The following ASB18 variants were observed in gnomAD, a reference collection of about 807,000 sequenced individuals.
ASB18 encodes the protein ankyrin repeat and SOCS box protein 18.
ASB18 carries 33 observed loss-of-function variants against 33.4 expected under a neutral mutation model. The ratio of observed to expected loss-of-function variants is 0.99; its 90% CI spans 0.75 to 1.32. The LOEUF (loss-of-function observed/expected upper bound fraction) is 1.32, where lower values mean the gene tolerates loss of function less well. Ranked by LOEUF, ASB18 falls within the 40% of genes most tolerant of loss-of-function variation. ASB18 has a pLI of 0.00. For missense variants in ASB18, 694 were observed against 655.5 expected, an observed-to-expected ratio of 1.06 and a Z score of -0.64; for synonymous variants, 295 against 307.6, an observed-to-expected ratio of 0.96 and a Z score of 0.43.
At chr2:236,201,001 A>AT (rs2060398228) in intron 4 of ASB18, among the ~76,000 whole-genome samples, 1 of 152,074 alleles carries the variant, frequency 6.6e-6, no homozygotes, top group Non-Finnish European at 1.5e-5. Context: ...AGTTAATTTC[A>AT]TAACATTTTT....
chr2:236,210,461 G>A (rs56338351), intron 4 of ASB18: 26,240 of 152,128 alleles, frequency 0.17, 2,289 homozygotes, highest in South Asian at 0.25. Context: ...AAAACCGTGC[G>A]GGTCATCAGA....
intron 1 of ASB18, chr2:236,247,408 C>T (rs1228447947): frequency 6.6e-6 from 1 of 152,122 alleles, no homozygotes; most frequent in Non-Finnish European, 1.5e-5. Context: ...CCTAACAATA[C>T]CCCTGCCTGC....
In ASB18 at chr2:236,203,884, AAACCAACC is replaced by A. The variant is rs558164843; in HGVS notation, c.1102-7507_1102-7500del. 1.1e-3 allele frequency among the ~76,000 whole-genome samples: 136 copies of A among 120,824 alleles called. No homozygotes were observed. Among genetic ancestry groups the A allele is most frequent in the African/African-American group, 3.9e-3 (129 of 32,820 alleles). 79.3% of individuals were successfully genotyped at this position (120,824 alleles called of 152,430 possible). On this transcript the variant is annotated intron_variant, in intron 4 of 5. Transcript: ENST00000409749. This position sits in a 1 kb window ranked among gnomAD's most constrained non-coding sequence, Gnocchi z 6.0. ...CCCCTCTCAAAAACCAAACCAAACC[AAACCAACC>A]AACCAACCAACCAACCAACCAAACA...
rs147696546 is a variant in ASB18, at chr2:236,258,994, G to A, written c.205+5147C>T. On this transcript the variant is annotated intron_variant, in intron 1 of 5. Transcript: ENST00000409749. ...TTAGTAATCAGTTGTTTCTTAAGTC[G>A]TTTGATTACACCAGTTACCAAATTG... 3.7e-3 allele frequency among the ~76,000 whole-genome samples: 563 copies of A among 152,144 alleles called. 1 individual carries two copies. The highest frequency in any genetic ancestry group is 5.9e-3 in the Non-Finnish European group (403 of 68,006).
intron 4 of ASB18, among the ~76,000 whole-genome samples, chr2:236,212,584 A>G (rs1421781310): frequency 3.3e-5 from 5 of 152,104 alleles, no homozygotes; most frequent in African/African-American, 1.2e-4. Context: ...ATTGGCCCAG[A>G]TATTTTCCCC....
rs1395831366 is a variant in ASB18, at chr2:236,244,998, A to G, written c.206-3596T>C. On this transcript the variant is annotated intron_variant, in intron 1 of 5. Transcript: ENST00000409749. This position sits in a 1 kb window ranked among gnomAD's most constrained non-coding sequence, Gnocchi z 6.1. ...GTGCTGGGTGGGGAGGGATGAGGCC[A>G]CGTTTGGCAGTCTATGATGCAGGGG... Among the ~76,000 whole-genome samples, 1 of 152,108 alleles carries G rather than the reference A, an allele frequency of 6.6e-6. No homozygotes were observed. The highest frequency in any genetic ancestry group is 1.5e-5 in the Non-Finnish European group (1 of 68,012).
chr2:236,198,377 CT>C (rs540996331), intron 4 of ASB18, among the ~76,000 whole-genome samples: 18 of 148,242 alleles, frequency 1.2e-4, no homozygotes, highest in Admixed American at 4.7e-4. Flanking sequence ...ATCCTTTTTT[CT>C]TTTTTTTTTG....
Position 236,255,690 on chromosome 2 carries a change from T to G in ASB18, c.205+8451A>C, listed in dbSNP as rs763816124. Among the ~76,000 whole-genome samples the G allele has an allele frequency of 3.9e-5, 6 of 152,346 alleles. No homozygotes were observed. Among genetic ancestry groups the G allele is most frequent in the Non-Finnish European group, 5.9e-5 (4 of 68,030 alleles). ...AATTAAGATGACCTCATTCCTTTGC[T>G]GAATGGCTCCTCATGGCTTTTCCAA... On this transcript the variant is annotated intron_variant, in intron 1 of 5. Coordinates refer to ENST00000409749, the MANE Select transcript of ASB18 (RefSeq NM_212556.4). The surrounding 1 kb of genome is among the most constrained non-coding windows in gnomAD (Gnocchi z 4.4).
In ASB18 at chr2:236,248,704, G is replaced by A. The variant is rs2060655801; in HGVS notation, c.206-7302C>T. 6.6e-6 allele frequency: 1 copy of A among 152,174 alleles called. No homozygotes were observed. Among genetic ancestry groups the A allele is most frequent in the Non-Finnish European group, 1.5e-5 (1 of 68,046 alleles). 9.4% of individuals were successfully genotyped at this position (152,174 alleles called of 1,614,324 possible). On this transcript the variant is annotated intron_variant, in intron 1 of 5. Coordinates refer to ENST00000409749, the MANE Select transcript of ASB18 (RefSeq NM_212556.4). The surrounding 1 kb of genome is among the most constrained non-coding windows in gnomAD (Gnocchi z 4.9). ...ATGGAATCCGTGACCCTTGCAATGTGGTGTGGAATGCCTTTTATCCCTGGA... is the reference window on the plus strand; with the variant it reads ...ATGGAATCCGTGACCCTTGCAATGTAGTGTGGAATGCCTTTTATCCCTGGA...
intron 1 of ASB18, among the ~76,000 whole-genome samples, chr2:236,243,685 A>AT (rs5839630): frequency 5.8e-4 from 88 of 150,806 alleles, no homozygotes; most frequent in African/African-American, 1.5e-3. Context: ...GTAATGCCAC[A>AT]TTTTTTTTTT....
chr2:236,226,690 G>A lies in ASB18; in HGVS notation c.596+10999C>T, dbSNP rs1031806059. On this transcript the variant is annotated intron_variant, in intron 3 of 5. Coordinates refer to ENST00000409749, the MANE Select transcript of ASB18 (RefSeq NM_212556.4). This position sits in a 1 kb window ranked among gnomAD's most constrained non-coding sequence, Gnocchi z 4.8. ...GGCGTCTCTTCAGCAGTGTTGCAAT[G>A]ATTCACAGCATTTTGTGTTTATTTT... Among the ~76,000 whole-genome samples, 2 of 152,154 alleles carry A rather than the reference G, an allele frequency of 1.3e-5. No homozygotes were observed. The highest frequency in any genetic ancestry group is 2.9e-5 in the Non-Finnish European group (2 of 68,010).
In ASB18 at chr2:236,214,812, C is replaced by A. The variant is rs1380819243; in HGVS notation, c.651G>T (p.Thr217=). 3 of 1,212,422 alleles carry A rather than the reference C, an allele frequency of 2.5e-6. No homozygotes were observed. In the African/African-American group the frequency reaches 4.8e-5, roughly 19 times the overall value. 75.1% of individuals were successfully genotyped at this position (1,212,422 alleles called of 1,614,324 possible). A position where few individuals can be genotyped will look rare whatever the true frequency, so the allele number is the denominator to read the frequency against. ...CCACGTGCAGCGGCGTGTCCCGGCC[C>A]GTGCCGCCCACGCGCTGCACCGAGG... is the stretch of plus-strand genomic sequence containing the variant. ...HGASVQRVGG[T]GRDTPLHVAA... The change falls in exon 4 of 6, where the codon ACG becomes ACT. Residue 217 remains threonine (T), a synonymous_variant. Transcript: ENST00000409749. This position sits in a 1 kb window ranked among gnomAD's most constrained non-coding sequence, Gnocchi z 6.5.
Position 236,255,874 on chromosome 2 carries a change from C to T in ASB18, c.205+8267G>A, listed in dbSNP as rs1456178696. On this transcript the variant is annotated intron_variant, in intron 1 of 5. Transcript: ENST00000409749. This position sits in a 1 kb window ranked among gnomAD's most constrained non-coding sequence, Gnocchi z 4.4. ...CCATGCCTTGGGTGCACTACGTTTC[C>T]TGCTCGCCTCCCTTTATCTGGGCTT... Among the ~76,000 whole-genome samples the T allele has an allele frequency of 6.6e-6, 1 of 152,170 alleles. No individual in the cohort carries two copies. Among genetic ancestry groups the T allele is most frequent in the Non-Finnish European group, 1.5e-5 (1 of 68,016 alleles).
At position 236,241,701 on chromosome 2, in the gene ASB18, G is replaced by A. The variant is rs185132743; in HGVS notation, c.206-299C>T. 2.0e-5 allele frequency among the ~76,000 whole-genome samples: 3 copies of A among 152,286 alleles called. No individual in the cohort carries two copies. Among genetic ancestry groups the A allele is most frequent in the East Asian group, 3.9e-4 (2 of 5,178 alleles). On this transcript the variant is annotated intron_variant, in intron 1 of 5. Transcript: ENST00000409749. This position sits in a 1 kb window ranked among gnomAD's most constrained non-coding sequence, Gnocchi z 4.2. The stretch of plus-strand genomic sequence containing the variant: ...ACTTGATATGACCAGGGGCATGTGA[G>A]CACTGGGATGCCGCAGTACTCAGCC...
At chr2:236,232,084 T>G (rs974477924) in intron 3 of ASB18, among the ~76,000 whole-genome samples, 10 of 152,218 alleles carry the variant, frequency 6.6e-5, no homozygotes, top group Non-Finnish European at 1.5e-4. Flanking sequence ...ATGAAACATT[T>G]ATCAAGGTAT....
At chr2:236,254,983 C>T (rs992183178) in intron 1 of ASB18, among the ~76,000 whole-genome samples, 7 of 152,098 alleles carry the variant, frequency 4.6e-5, no homozygotes, top group Non-Finnish European at 8.8e-5. Flanking sequence ...CTCGCGACCC[C>T]ACTCTTTCTC....
chr2:236,258,832 G>T (rs1006199196), intron 1 of ASB18, among the ~76,000 whole-genome samples: 1 of 152,172 alleles, frequency 6.6e-6, no homozygotes, highest in African/African-American at 2.4e-5. Flanking sequence ...TCCTCTGGGT[G>T]CTTAAATACT....
At position 236,231,714 on chromosome 2, in the gene ASB18, TG is replaced by T. The variant is rs1208258305; in HGVS notation, c.596+5974del. 2.6e-5 allele frequency among the ~76,000 whole-genome samples: 4 copies of T among 152,222 alleles called. No individual in the cohort carries two copies. Among genetic ancestry groups the T allele is most frequent in the Non-Finnish European group, 4.4e-5 (3 of 68,044 alleles). On this transcript the variant is annotated intron_variant, in intron 3 of 5. Coordinates refer to ENST00000409749, the MANE Select transcript of ASB18 (RefSeq NM_212556.4). This position sits in a 1 kb window ranked among gnomAD's most constrained non-coding sequence, Gnocchi z 5.5. ...TGGCCTCCCAAAGTGCTGGGATTAC[TG>T]GTGTGATCCACTGCACCTGGCCTAG... is the stretch of plus-strand genomic sequence containing the variant.
In ASB18 at chr2:236,237,730, G is replaced by T; in HGVS notation, c.555C>A (p.Gly185=). 1 of 1,461,006 alleles carries T rather than the reference G, an allele frequency of 6.8e-7. No individual in the cohort carries two copies. Among genetic ancestry groups the T allele is most frequent in the Non-Finnish European group, 9.0e-7 (1 of 1,112,364 alleles). The allele number at this position is 1,461,006 out of a possible 1,614,324, so 90.5% of individuals were successfully genotyped here. A position where few individuals can be genotyped will look rare whatever the true frequency, so the allele number is the denominator to read the frequency against. Residue 185 remains glycine, a synonymous_variant, in exon 3 of 6, where the codon GGC becomes GGA. Transcript: ENST00000409749. This position sits in a 1 kb window ranked among gnomAD's most constrained non-coding sequence, Gnocchi z 6.2. ...TGCGGCAGAGGTGCAGAGGCGCCAG[G>T]CCCTCGGCGCTGAGCAGGTCGGGGT... ...RADPDLLSAE[G]LAPLHLCRTA...
Sources: allele counts gnomAD v4.1 joint callset (sites outside exome capture counted in the v4.1 genomes callset), GRCh38; gene constraint gnomAD v4.1.1; non-coding constraint Gnocchi (gnomAD v3.1); transcripts MANE v1.5; gene names NCBI Gene and HGNC (gene_info 2026-07-23, HGNC 2026-07-21).